Variants in STAT5A observed in about 807,000 individuals in gnomAD.
STAT5A encodes the protein signal transducer and activator of transcription 5A.
In STAT5A, 26 loss-of-function variants were observed where a neutral mutation model predicts 100.2. That is an observed-to-expected ratio of 0.26 (90% CI 0.19 to 0.36). The LOEUF is 0.36. STAT5A is among the 10% of genes least tolerant of loss of function. The probability of loss-of-function intolerance (pLI) is 1.00; values close to 1 mark genes in which losing one functional copy is unlikely to be tolerated. For missense variants in STAT5A, 634 were observed against 1,027.5 expected (o/e 0.62, Z 5.24); for synonymous variants, 330 against 424.3 (o/e 0.78, Z 2.73).
In STAT5A at chr17:42,308,035, G is replaced by A. The variant is rs1246076305; in HGVS notation, c.1907-143G>A. On this transcript the variant is annotated intron_variant, in intron 15 of 18. Coordinates refer to ENST00000590949, the MANE Select transcript of STAT5A (RefSeq NM_001288718.2). The surrounding 1 kb of genome is among the most constrained non-coding windows in gnomAD (Gnocchi z 4.6). ...TTTGCTGAGTAGAACATCCCGCATC[G>A]GCTTTCTTCCCTACAGGCTGGGGCT... The A allele has an allele frequency of 1.9e-5, 22 of 1,184,836 alleles. No individual in the cohort carries two copies. The East Asian group carries it at 3.0e-4, about 16-fold the overall frequency. 73.4% of individuals were successfully genotyped at this position (1,184,836 alleles called of 1,614,324 possible). A position where few individuals can be genotyped will look rare whatever the true frequency, so the allele number is the denominator to read the frequency against.
chr17:42,298,381 G>A (rs1306558865), intron 5 of STAT5A, among the ~76,000 whole-genome samples: 2 of 151,376 alleles, frequency 1.3e-5, no homozygotes, highest in African/African-American at 2.4e-5. Flanking sequence ...GGCTGGTCTC[G>A]AACTCTTGAC....
rs756814024 is a variant in STAT5A at position 42,295,707 on chromosome 17, C to T, written c.464C>T (p.Thr155Met). The T allele has an allele frequency of 6.8e-6, 11 of 1,613,718 alleles. No homozygotes were observed. The highest frequency in any genetic ancestry group is 1.7e-5 in the Admixed American group (1 of 59,934). Residue 155 changes from threonine to methionine, a missense_variant, in exon 5 of 19, where the codon ACG (threonine) becomes ATG (methionine). Physicochemically the swap from Thr to Met is moderately conservative, Grantham distance 81. Around this residue, in one of 5 missense-constraint regions of STAT5A, gnomAD observed 207 missense variants for 256.6 expected, o/e 0.81. Transcript: ENST00000590949. The part of the protein sequence containing the change: ...NQTFEELRLV[T>M]QDTENELKKL... Reference sequence around the variant, plus strand: ...ACATTTGAGGAGCTGCGACTGGTCACGCAGGACACAGAGAATGAGCTGAAG... The same window carrying T: ...ACATTTGAGGAGCTGCGACTGGTCATGCAGGACACAGAGAATGAGCTGAAG...
chr17:42,293,864 T>G (rs2080894158), intron 4 of STAT5A, among the ~76,000 whole-genome samples: 1 of 152,142 alleles, frequency 6.6e-6, no homozygotes, highest in Admixed American at 6.5e-5. Flanking sequence ...GGAAGACTTG[T>G]AAGTGGTCAG....
In STAT5A at chr17:42,307,279, T is replaced by C. The variant is rs113555550; in HGVS notation, c.1681-123T>C. The C allele has an allele frequency of 7.2e-3, 6,355 of 887,426 alleles. 43 individuals are homozygous for C. Among genetic ancestry groups the C allele is most frequent in the South Asian group, 0.011 (733 of 67,994 alleles). 55.0% of individuals were successfully genotyped at this position (887,426 alleles called of 1,614,324 possible). On this transcript the variant is annotated intron_variant, in intron 13 of 18. Coordinates refer to ENST00000590949, the MANE Select transcript of STAT5A (RefSeq NM_001288718.2). The stretch of plus-strand genomic sequence containing the variant: ...TGTGTCACTTTATGGTCTGCTGGAG[T>C]GTGGTGGCAAGCAGGGGTGAAGAAC...
chr17:42,297,743 G>A (rs997990251), intron 5 of STAT5A, among the ~76,000 whole-genome samples: 5 of 152,128 alleles, frequency 3.3e-5, no homozygotes, highest in African/African-American at 1.2e-4. Flanking sequence ...GGATCTGTCC[G>A]TGCCTGGATG....
chr17:42,303,785 T>G (rs904138465), intron 9 of STAT5A, among the ~76,000 whole-genome samples: 3 of 151,772 alleles, frequency 2.0e-5, no homozygotes, highest in Non-Finnish European at 4.4e-5. Flanking sequence ...AAGGTCAGCT[T>G]GGTAAGCTTC....
At chr17:42,297,641 C>G (rs2080931364) in intron 5 of STAT5A, among the ~76,000 whole-genome samples, 1 of 151,830 alleles carries the variant, frequency 6.6e-6, no homozygotes, top group Admixed American at 6.6e-5. Context: ...TAAGTGGGTC[C>G]CTTGCATAGG....
rs1696015041 is a variant in STAT5A, at chr17:42,311,123, A to C, written c.*454A>C. The C allele has an allele frequency of 4.9e-6, 1 of 206,054 alleles. No individual in the cohort carries two copies. The allele number at this position is 206,054 out of a possible 1,614,324, so 12.8% of individuals were successfully genotyped here. A position where few individuals can be genotyped will look rare whatever the true frequency, so the allele number is the denominator to read the frequency against. On this transcript the variant is annotated 3_prime_UTR_variant, in exon 19 of 19. Coordinates refer to ENST00000590949, the MANE Select transcript of STAT5A (RefSeq NM_001288718.2). ...GACAGAGAGACAGAGAGAGAGAAAG[A>C]GAGAGTGTGTGGGTCTATGTAAATG...
rs969143694 is a variant in STAT5A at position 42,310,756 on chromosome 17, A to G, written c.*87A>G. 6.3e-7 allele frequency: 1 copy of G among 1,576,048 alleles called. No homozygotes were observed. The highest frequency in any genetic ancestry group is 1.4e-5 in the African/African-American group (1 of 73,750). On this transcript the variant is annotated 3_prime_UTR_variant, in exon 19 of 19. Transcript: ENST00000590949. ...GTTTAGTAAGGCTGTGTACACTGAC[A>G]CCTTTGCAGGCATGCATGTGCTTGT... is the stretch of plus-strand genomic sequence containing the variant.
chr17:42,302,055 A>G (rs1389919107), intron 9 of STAT5A, among the ~76,000 whole-genome samples: 1 of 152,164 alleles, frequency 6.6e-6, no homozygotes, highest in Non-Finnish European at 1.5e-5. Flanking sequence ...AGTCCCAGCT[A>G]CTCGGGAAGC....
In STAT5A at chr17:42,304,264, CCCCAGCCCGAGGTGTGGACAGGA is replaced by C; in HGVS notation, c.1170-75_1170-53del. The C allele has an allele frequency of 7.0e-7, 1 of 1,435,506 alleles. No homozygotes were observed. The highest frequency in any genetic ancestry group is 9.7e-7 in the Non-Finnish European group (1 of 1,025,810). The allele number at this position is 1,435,506 out of a possible 1,614,324, so 88.9% of individuals were successfully genotyped here. A position where few individuals can be genotyped will look rare whatever the true frequency, so the allele number is the denominator to read the frequency against. On this transcript the variant is annotated intron_variant, in intron 9 of 18. Coordinates refer to ENST00000590949, the MANE Select transcript of STAT5A (RefSeq NM_001288718.2). The surrounding 1 kb of genome is among the most constrained non-coding windows in gnomAD (Gnocchi z 4.8). ...CTGGCAGGGCTGACCTGAGCGAAGA[CCCCAGCCCGAGGTGTGGACAGGA>C]CCATGCTCCTGGCCTGGGGCCCATG...
Position 42,293,104 on chromosome 17 carries a change from C to T in STAT5A, c.375+1043C>T, listed in dbSNP as rs76785917. On this transcript the variant is annotated intron_variant, in intron 4 of 18. Transcript: ENST00000590949. ...GGACAATGGCACAGTGCTGTACTAT[C>T]TGCAATAGAGCAAAATGAATTTCAC... 3.4e-3 allele frequency among the ~76,000 whole-genome samples: 525 copies of T among 152,378 alleles called. 3 individuals are homozygous for T. Among genetic ancestry groups the T allele is most frequent in the African/African-American group, 0.012 (504 of 41,580 alleles).
Position 42,288,912 on chromosome 17 carries a change from GCC to G in STAT5A, c.-11+316_-11+317del, listed in dbSNP as rs2080840264. On this transcript the variant is annotated intron_variant, in intron 1 of 18. Transcript: ENST00000590949. The surrounding 1 kb of genome is among the most constrained non-coding windows in gnomAD (Gnocchi z 4.8). ...GAAGAGGGGAGCGCCCAAGTCCTCAGCCCTGTCTCCTGAACAGCCCCAGCCAC... is the reference window on the plus strand; with the variant it reads ...GAAGAGGGGAGCGCCCAAGTCCTCAGCTGTCTCCTGAACAGCCCCAGCCAC... Among the ~76,000 whole-genome samples, 1 of 152,258 alleles carries G rather than the reference GCC, an allele frequency of 6.6e-6. No homozygotes were observed. The highest frequency in any genetic ancestry group is 2.4e-5 in the African/African-American group (1 of 41,464).
In STAT5A at chr17:42,292,043, G is replaced by A. The variant is rs2080873900; in HGVS notation, c.357G>A (p.Leu119=). 1.2e-6 allele frequency: 2 copies of A among 1,613,906 alleles called. No individual in the cohort carries two copies. The highest frequency in any genetic ancestry group is 1.7e-6 in the Non-Finnish European group (2 of 1,179,930). Residue 119 remains leucine (L), a synonymous_variant, in exon 4 of 19, where the codon CTG becomes CTA. Coordinates refer to ENST00000590949, the MANE Select transcript of STAT5A (RefSeq NM_001288718.2). ...IRHILYNEQR[L]VREANNCSSP... The stretch of plus-strand genomic sequence containing the variant: ...ACATTCTGTACAATGAACAGAGGCT[G>A]GTCCGAGAAGCCAACAATGTGAGTG...
At chr17:42,303,508 G>A (rs1567692214) in intron 9 of STAT5A, among the ~76,000 whole-genome samples, 1 of 152,126 alleles carries the variant, frequency 6.6e-6, no homozygotes, top group Non-Finnish European at 1.5e-5. Flanking sequence ...TCAGGAGTTC[G>A]AAACCAGCCT....
chr17:42,301,179 C>T (rs537110577), intron 8 of STAT5A, 96 bp from the exon 9 acceptor site: 99 of 1,546,208 alleles, frequency 6.4e-5, no homozygotes, highest in Non-Finnish European at 8.4e-5. Context: ...CTCCTGAGCC[C>T]CATGGGAGGC....
intron 2 of STAT5A, 67 bp from the exon 3 acceptor site, chr17:42,289,799 C>A: frequency 6.9e-7 from 1 of 1,450,582 alleles, no homozygotes; most frequent in Non-Finnish European, 9.1e-7. Flanking sequence ...CCACTTTATT[C>A]CAGCTCCCTG....
In STAT5A at chr17:42,304,507, C is replaced by T. The variant is rs377061573; in HGVS notation, c.1258-23C>T. On this transcript the variant is annotated intron_variant, in intron 10 of 18. Coordinates refer to ENST00000590949, the MANE Select transcript of STAT5A (RefSeq NM_001288718.2). The surrounding 1 kb of genome is among the most constrained non-coding windows in gnomAD (Gnocchi z 4.8). ...GTAAGCAGCCGCCATCTCCCTGTTC[C>T]CCTGTCACCTCCCACCCTGCAGTCA... The T allele has an allele frequency of 1.2e-6, 2 of 1,614,076 alleles. No individual in the cohort carries two copies. The highest frequency in any genetic ancestry group is 8.5e-7 in the Non-Finnish European group (1 of 1,180,020).
At chr17:42,289,579 A>G in intron 2 of STAT5A, 40 bp downstream of exon 2, 1 of 1,602,318 alleles carries the variant, frequency 6.2e-7, no homozygotes, top group South Asian at 1.1e-5. Context: ...GAGGGTCCCT[A>G]CCATCCAGGC....
Sources: allele counts gnomAD v4.1 joint callset (sites outside exome capture counted in the v4.1 genomes callset), GRCh38; gene constraint gnomAD v4.1.1; regional missense constraint gnomAD v4.1.1; non-coding constraint Gnocchi (gnomAD v3.1); transcripts MANE v1.5; gene names NCBI Gene and HGNC (gene_info 2026-07-23, HGNC 2026-07-21).